The following WBP2NL variants were observed in gnomAD, a reference collection of about 807,000 sequenced individuals.
WBP2NL encodes postacrosomal sheath WW domain-binding protein.
A neutral mutation model predicts 23.3 loss-of-function variants in WBP2NL; 27 were observed. The observed-to-expected ratio is 1.16, with a 90% CI of 0.85 to 1.60. The LOEUF is 1.60. Ranked by LOEUF, WBP2NL falls within the 40% of genes most tolerant of loss-of-function variation. The probability of loss-of-function intolerance (pLI) is 0.00; values close to 1 mark genes in which losing one functional copy is unlikely to be tolerated. For missense variants in WBP2NL, 370 were observed against 389.5 expected, an observed-to-expected ratio of 0.95 and a Z score of 0.42; for synonymous variants, 151 against 145.9, an observed-to-expected ratio of 1.03 and a Z score of -0.25.
In WBP2NL at chr22:42,026,797, TGGAGCCCCACCTCCCGGATAC is replaced by T. The variant is rs752336281; in HGVS notation, c.559_579del (p.Pro187_Pro193del). 1.8e-5 allele frequency: 29 copies of T among 1,613,998 alleles called. 1 individual carries two copies. The South Asian group carries it at 2.3e-4, about 13-fold the overall frequency. On this transcript the variant is annotated inframe_deletion, in exon 6 of 6. Coordinates refer to ENST00000328823, the MANE Select transcript of WBP2NL (RefSeq NM_152613.3). ...TCTATGGAGCCCCACCTGCAGGATATGGAGCCCCACCTCCCGGATACGGAGCCCCACCTGCAGGATATGGAG... is the reference window on the plus strand; with the variant it reads ...TCTATGGAGCCCCACCTGCAGGATATGGAGCCCCACCTGCAGGATATGGAG...
chr22:42,005,221 A>G (rs927862735), intron 1 of WBP2NL, among the ~76,000 whole-genome samples: 1 of 147,494 alleles, frequency 6.8e-6, no homozygotes, highest in African/African-American at 2.5e-5. Context: ...TCTGTCTGAA[A>G]TAAATAAATA....
At chr22:42,019,440 A>C (rs753041465) in intron 2 of WBP2NL, 21 bp downstream of exon 2, 2 of 1,602,796 alleles carry the variant, frequency 1.2e-6, no homozygotes, top group Admixed American at 3.4e-5. Flanking sequence ...CTTCTACTTT[A>C]ATCTGCTGAT....
chr22:42,055,319 C>T (rs1275555284), intron 8 of WBP2NL, among the ~76,000 whole-genome samples: 1 of 152,130 alleles, frequency 6.6e-6, no homozygotes, highest in Non-Finnish European at 1.5e-5. Flanking sequence ...GGATTACAGG[C>T]GCCTGCCACC....
At position 42,027,099 on chromosome 22, in the gene WBP2NL, G is replaced by A. The variant is rs1569451869; in HGVS notation, c.848G>A (p.Arg283Lys). The A allele has an allele frequency of 6.2e-7, 1 of 1,614,264 alleles. No individual in the cohort carries two copies. The change falls in exon 6 of 6, where the codon AGG becomes AAG. Residue 283 changes from arginine to lysine, a missense_variant. Physicochemically the swap from Arg to Lys is conservative, Grantham distance 26. Transcript: ENST00000328823. ...GCCTCACCTGCTGGATCAGGAGCCA[G>A]GCCTCAGGAATCTACAGCAGCCCAG... ...YRASPAGSGA[R>K]PQESTAAQAP...
At chr22:42,020,173 G>T (rs1445476428) in intron 4 of WBP2NL, 77 bp downstream of exon 4, 2 of 1,377,008 alleles carry the variant, frequency 1.5e-6, no homozygotes, top group Non-Finnish European at 2.0e-6. Context: ...TGTTGTTGTT[G>T]CTGTTGTTGT....
chr22:42,008,300 C>T (rs1288993345), intron 1 of WBP2NL, among the ~76,000 whole-genome samples: 1 of 150,908 alleles, frequency 6.6e-6, no homozygotes, highest in Non-Finnish European at 1.5e-5. Context: ...CCTTAGCTTC[C>T]GGGGTTCAAG....
chr22:42,057,235 T>G (rs537587377), intron 8 of WBP2NL, among the ~76,000 whole-genome samples: 4 of 152,346 alleles, frequency 2.6e-5, no homozygotes, highest in South Asian at 4.1e-4. Context: ...GTTTCTTTCT[T>G]TTTCTCAGAG....
chr22:42,050,666 A>T (rs942722078), intron 8 of WBP2NL, among the ~76,000 whole-genome samples: 8 of 151,898 alleles, frequency 5.3e-5, no homozygotes, highest in African/African-American at 1.9e-4. Context: ...CTCCCAAAAA[A>T]AAAAACTAAT....
At chr22:42,013,507 A>C (rs994992893) in intron 1 of WBP2NL, among the ~76,000 whole-genome samples, 2 of 152,192 alleles carry the variant, frequency 1.3e-5, no homozygotes, top group African/African-American at 2.4e-5. Flanking sequence ...GCTTTCAATA[A>C]TTTGATTATA....
chr22:42,012,239 T>C (rs1922888920), intron 1 of WBP2NL, among the ~76,000 whole-genome samples: 1 of 152,174 alleles, frequency 6.6e-6, no homozygotes, highest in Non-Finnish European at 1.5e-5. Flanking sequence ...TTTATTATTT[T>C]CTTCTTTCTG....
chr22:42,030,561 A>C (rs756949359), downstream of WBP2NL: 1 of 152,294 alleles, frequency 6.6e-6, no homozygotes, highest in East Asian at 1.9e-4. Context: ...GAAAAGGGAA[A>C]GTGTGGCTGT....
At chr22:41,999,695 GA>G (rs551742775) in intron 1 of WBP2NL, among the ~76,000 whole-genome samples, 92 of 152,232 alleles carry the variant, frequency 6.0e-4, no homozygotes, top group African/African-American at 2.0e-3. Context: ...TTGAACCCAG[GA>G]GTTTGGGCTG....
intron 8 of WBP2NL, among the ~76,000 whole-genome samples, chr22:42,049,135 A>G (rs1434125993): frequency 1.3e-5 from 2 of 152,216 alleles, no homozygotes; most frequent in East Asian, 3.8e-4. Flanking sequence ...AATCAAGACA[A>G]TGTGGTATTA....
At chr22:42,020,908 A>AT (rs1161784270) in intron 4 of WBP2NL, among the ~76,000 whole-genome samples, 4 of 11,232 alleles carry the variant, frequency 3.6e-4, no homozygotes, top group African/African-American at 1.0e-3. Context: ...ATATATATAT[A>AT]TTTTTTTTTT....
intron 1 of WBP2NL, among the ~76,000 whole-genome samples, chr22:42,008,808 T>C (rs1336045363): frequency 6.6e-6 from 1 of 151,360 alleles, no homozygotes. Flanking sequence ...AGATGGAGTC[T>C]CGCTCTGTTG....
chr22:42,000,212 T>G (rs190299813), intron 1 of WBP2NL, among the ~76,000 whole-genome samples: 58 of 152,338 alleles, frequency 3.8e-4, no homozygotes, highest in Admixed American at 9.8e-4. Flanking sequence ...ATCCAGGTCT[T>G]TCTTCTATCT....
In WBP2NL at chr22:42,049,690, C is replaced by A. The variant is rs796413448; in HGVS notation, c.*274-8600C>A. 5.4e-3 allele frequency among the ~76,000 whole-genome samples: 201 copies of A among 37,378 alleles called. 6 individuals carry two copies. Among genetic ancestry groups the A allele is most frequent in the African/African-American group, 0.038 (154 of 4,080 alleles). 24.5% of individuals were successfully genotyped at this position (37,378 alleles called of 152,430 possible). ...GGGTGACAGAGCGAGACTCCGTCTC[C>A]AAAACAAAACAAAACAAAAAAAAAA... On this transcript the variant is annotated intron_variant and NMD_transcript_variant, in intron 8 of 8. Transcript: ENST00000436265.
chr22:42,011,860 C>T (rs1652117127), intron 1 of WBP2NL, among the ~76,000 whole-genome samples: 1 of 151,784 alleles, frequency 6.6e-6, no homozygotes, highest in African/African-American at 2.4e-5. Flanking sequence ...GCAACCTTTG[C>T]CTCCTGGGTT....
chr22:42,008,810 G>A (rs967716996), intron 1 of WBP2NL, among the ~76,000 whole-genome samples: 3 of 149,790 alleles, frequency 2.0e-5, no homozygotes, highest in African/African-American at 4.9e-5. Flanking sequence ...ATGGAGTCTC[G>A]CTCTGTTGCC....
Sources: gnomAD v4.1 joint callset for allele counts (sites outside exome capture counted in the v4.1 genomes callset) on GRCh38, gnomAD v4.1.1 for gene constraint, MANE v1.5 for transcripts, NCBI Gene and HGNC (gene_info 2026-07-23, HGNC 2026-07-21) for gene names.